RXFP2: variants seen among roughly 807,000 people sequenced by gnomAD.
RXFP2 encodes the protein relaxin family peptide receptor 2.
In RXFP2, 68 loss-of-function variants were observed where a neutral mutation model predicts 88.6. That is an observed-to-expected ratio of 0.77 (90% confidence interval 0.63 to 0.94). RXFP2 has a LOEUF of 0.94. RXFP2 is among the 40% of genes least tolerant of loss of function. The probability of loss-of-function intolerance (pLI) is 0.00; values close to 1 mark genes in which losing one functional copy is unlikely to be tolerated. For synonymous variants in RXFP2, 329 were observed against 306.8 expected (o/e 1.07, Z -0.76); for missense variants, 791 against 893.9 (o/e 0.88, Z 1.47).
intron 1 of RXFP2, among the ~76,000 whole-genome samples, chr13:31,757,520 T>G (rs1190033451): frequency 6.6e-6 from 1 of 152,256 alleles, no homozygotes; most frequent in Non-Finnish European, 1.5e-5. Context: ...AGGATTTCTC[T>G]CTAACTCATA....
intron 3 of RXFP2, among the ~76,000 whole-genome samples, chr13:31,762,563 T>C (rs996827503): frequency 6.6e-6 from 1 of 152,080 alleles, no homozygotes; most frequent in Non-Finnish European, 1.5e-5. Context: ...ATTTTTGGGG[T>C]GTGTGTGTAT....
chr13:31,742,340 C>A (rs558387295), intron 1 of RXFP2, among the ~76,000 whole-genome samples: 3 of 152,174 alleles, frequency 2.0e-5, no homozygotes, highest in South Asian at 2.1e-4. Flanking sequence ...TCCTTTCTTA[C>A]GGATGTCAGT....
chr13:31,766,994 C>T (rs533848530), intron 5 of RXFP2, among the ~76,000 whole-genome samples: 7 of 152,230 alleles, frequency 4.6e-5, no homozygotes, highest in African/African-American at 1.7e-4. Flanking sequence ...ACGCTGCAAG[C>T]CCCCTTGGTG....
At chr13:31,755,033 A>G (rs1364235723) in intron 1 of RXFP2, among the ~76,000 whole-genome samples, 10 of 152,204 alleles carry the variant, frequency 6.6e-5, no homozygotes, top group Admixed American at 6.5e-4. Context: ...CTTCATAAGC[A>G]TCAGCTTGTC....
At chr13:31,788,998 C>T (rs890843341) in intron 13 of RXFP2, 124 bp from the exon 14 acceptor site, 19 of 719,648 alleles carry the variant, frequency 2.6e-5, no homozygotes, top group African/African-American at 1.9e-4. Flanking sequence ...TACTGTAAAA[C>T]TTTCATTCTA....
At chr13:31,758,867 G>A (rs530187782) in intron 2 of RXFP2, among the ~76,000 whole-genome samples, 30 of 151,982 alleles carry the variant, frequency 2.0e-4, no homozygotes, top group Middle Eastern at 3.4e-3. Context: ...GTGAAACCCC[G>A]TCTCTACTGA....
At chr13:31,797,524 C>A in intron 17 of RXFP2, 105 bp downstream of exon 17, 3 of 843,816 alleles carry the variant, frequency 3.6e-6, no homozygotes, top group Non-Finnish European at 6.0e-6. Context: ...TCATAAAAAC[C>A]AATACAAAGT....
intron 7 of RXFP2, among the ~76,000 whole-genome samples, chr13:31,776,102 T>TTTTTTCTTTCTTTC (rs1872946438): frequency 9.1e-6 from 1 of 109,830 alleles, no homozygotes; most frequent in Admixed American, 9.9e-5. Flanking sequence ...CTTTCTTTTC[T>TTTTTTCTTTCTTTC]TTTCTTTCTT....
In RXFP2 at chr13:31,781,692, A is replaced by G. The variant is rs779041419; in HGVS notation, c.807A>G (p.Ile269Met). ...CCAGGGATTTGGAAGGCAATAGAAT[A>G]AAGTATCTCACAAATTCTACGTTTC... ...LNWVDLEGNRIKYLTNSTFLS... is the reference protein window; with the variant it reads ...LNWVDLEGNRMKYLTNSTFLS... Residue 269 changes from isoleucine (I) to methionine (M), a missense_variant, in exon 10 of 18, where the codon ATA (isoleucine) becomes ATG (methionine). Coordinates refer to ENST00000298386, the MANE Select transcript of RXFP2 (RefSeq NM_130806.5). The G allele has an allele frequency of 4.3e-6, 7 of 1,612,154 alleles. No individual in the cohort carries two copies. The highest frequency in any genetic ancestry group is 5.9e-6 in the Non-Finnish European group (7 of 1,178,420).
chr13:31,749,559 C>A (rs936339277), intron 1 of RXFP2, among the ~76,000 whole-genome samples: 2 of 152,282 alleles, frequency 1.3e-5, no homozygotes, highest in African/African-American at 2.4e-5. Flanking sequence ...TTGTCCTCCA[C>A]TTATTTATGT....
intron 1 of RXFP2, among the ~76,000 whole-genome samples, chr13:31,757,025 T>A (rs1368607789): frequency 6.6e-6 from 1 of 152,230 alleles, no homozygotes; most frequent in Admixed American, 6.5e-5. Context: ...AGAATATCTC[T>A]TACATTTAAA....
chr13:31,744,775 T>TGTCTGTTTGGGGTTTTATAA (rs1207318716), intron 1 of RXFP2, among the ~76,000 whole-genome samples: 16 of 152,180 alleles, frequency 1.1e-4, no homozygotes, highest in Non-Finnish European at 1.0e-4. Context: ...CGTTTAAAGC[T>TGTCTGTTTGGGGTTTTATAA]GTCTGTTTGG....
intron 17 of RXFP2, among the ~76,000 whole-genome samples, chr13:31,798,090 G>T (rs567325578): frequency 1.3e-5 from 2 of 152,266 alleles, no homozygotes; most frequent in Middle Eastern, 3.4e-3. Context: ...TGTTCCAGCC[G>T]ATAGCAGATC....
intron 3 of RXFP2, 78 bp downstream of exon 3, chr13:31,761,879 G>A: frequency 3.1e-6 from 3 of 954,738 alleles, no homozygotes; most frequent in Admixed American, 1.8e-5. Context: ...TATGGGTAAT[G>A]TGACAAATTC....
At chr13:31,794,717 G>T (rs553756847) in intron 16 of RXFP2, among the ~76,000 whole-genome samples, 1 of 152,214 alleles carries the variant, frequency 6.6e-6, no homozygotes, top group South Asian at 2.1e-4. Flanking sequence ...AGGAGGGTGG[G>T]GTGGGGTCTG....
chr13:31,795,977 A>C (rs1372299536), intron 16 of RXFP2, among the ~76,000 whole-genome samples: 1 of 149,328 alleles, frequency 6.7e-6, no homozygotes, highest in Non-Finnish European at 1.5e-5. Flanking sequence ...CAGTAGTTTA[A>C]TTTACTGTAA....
At chr13:31,752,712 G>A (rs937519208) in intron 1 of RXFP2, among the ~76,000 whole-genome samples, 79 of 152,134 alleles carry the variant, frequency 5.2e-4, no homozygotes, top group African/African-American at 1.8e-3. Context: ...CAGAAGTAGG[G>A]GCAGGCTCTG....
chr13:31,746,823 TG>T (rs1479204794), intron 1 of RXFP2, among the ~76,000 whole-genome samples: 2 of 151,992 alleles, frequency 1.3e-5, no homozygotes, highest in Admixed American at 1.3e-4. Flanking sequence ...TGTAAACCCA[TG>T]GTATATAAGA....
rs778959922 is a variant in RXFP2 at position 31,739,626 on chromosome 13, T to C, written c.14T>C (p.Leu5Pro). MIVF[L>P]VFKHLFSLRL... ...TGCTGTAAACCTATGATTGTTTTTC[T>C]GGTTTTTAAACATCTCTTCAGCCTC... Residue 5 changes from leucine to proline, a missense_variant, in exon 1 of 18, where the codon CTG becomes CCG. By Grantham distance (98) the Leu-to-Pro change is moderately conservative. Transcript: ENST00000298386. 1.4e-5 allele frequency: 23 copies of C among 1,599,346 alleles called. No individual in the cohort carries two copies. The African/African-American group carries it at 2.8e-4, about 20-fold the overall frequency.
Sources: allele counts gnomAD v4.1 joint callset (sites outside exome capture counted in the v4.1 genomes callset), GRCh38; gene constraint gnomAD v4.1.1; transcripts MANE v1.5; gene names NCBI Gene and HGNC (gene_info 2026-07-23, HGNC 2026-07-21).